The following SIRT7 variants were observed in gnomAD, a reference collection of about 807,000 sequenced individuals.
SIRT7 encodes the protein NAD-dependent protein deacetylase sirtuin-7.
In SIRT7, 32 loss-of-function variants were observed where a neutral mutation model predicts 42.8. The observed-to-expected ratio is 0.75, with a 90% confidence interval of 0.56 to 1.00. The LOEUF (loss-of-function observed/expected upper bound fraction) is 1.00. SIRT7 is among the 50% of genes least tolerant of loss of function. SIRT7 has a pLI of 0.00. For synonymous variants in SIRT7, 297 were observed against 245.2 expected, an observed-to-expected ratio of 1.21 and a Z score of -1.97; for missense variants, 553 against 572.2, an observed-to-expected ratio of 0.97 and a Z score of 0.34.
At position 81,915,462 on chromosome 17, in the gene SIRT7, G is replaced by C. The variant is rs769436127; in HGVS notation, c.458C>G (p.Thr153Ser). Residue 153 changes from threonine (T) to serine (S), a missense_variant, in exon 5 of 10, where the codon ACC (threonine) becomes AGC (serine). Transcript: ENST00000328666. ...AEPTLTHMSI[T>S]RLHEQKLVQH... ...TACCAGCTTCTGCTCATGCAGACGG[G>C]TGATGCTCATGTGGGTGAGGGTTGG... 6.8e-6 allele frequency: 11 copies of C among 1,613,462 alleles called. No homozygotes were observed. The highest frequency in any genetic ancestry group is 2.7e-5 in the African/African-American group (2 of 74,938).
chr17:81,917,709 T>TCGTC lies in SIRT7; in HGVS notation c.238_241dup (p.Asp81GlyfsTer44). 1 of 1,599,274 alleles carries TCGTC rather than the reference T, an allele frequency of 6.3e-7. No individual in the cohort carries two copies. Among genetic ancestry groups the TCGTC allele is most frequent in the Non-Finnish European group, 8.5e-7 (1 of 1,174,292 alleles). On this transcript the variant is annotated frameshift_variant, in exon 3 of 10. Transcript: ENST00000328666. LOFTEE classifies it high-confidence loss of function. ...GACCTTCCCCCGCAGCTCCTCCGGG[T>TCGTC]CGTCGCACACCTGCCAAGACGCCAG...
At chr17:81,915,873 A>C in intron 3 of SIRT7, 192 bp from the exon 4 acceptor site, 1 of 625,990 alleles carries the variant, frequency 1.6e-6, no homozygotes, top group Non-Finnish European at 2.8e-6. Context: ...CCTCCCTTCT[A>C]CCTGGACTTC....
chr17:81,912,109 A>C lies in SIRT7; in HGVS notation c.*307T>G. On this transcript the variant is annotated 3_prime_UTR_variant, in exon 10 of 10. Transcript: ENST00000328666. ...CTGAGACTGGCCTGGTGAGCGAGGA[A>C]AGGCCGCTGGGCGCTTCCACTCTGC... 1 of 459,808 alleles carries C rather than the reference A, an allele frequency of 2.2e-6. No homozygotes were observed. Among genetic ancestry groups the C allele is most frequent in the Non-Finnish European group, 4.0e-6 (1 of 252,922 alleles). The allele number at this position is 459,808 out of a possible 1,614,324, so 28.5% of individuals were successfully genotyped here. A position where few individuals can be genotyped will look rare whatever the true frequency, so the allele number is the denominator to read the frequency against.
At chr17:81,915,029 C>T (rs2040769257) in intron 5 of SIRT7, 4 of 496,092 alleles carry the variant, frequency 8.1e-6, no homozygotes, top group African/African-American at 3.9e-5. Context: ...GATCCATGCT[C>T]TCTTGGGTCA....
In SIRT7 at chr17:81,913,569, A is replaced by G; in HGVS notation, c.1004+205T>C. The G allele has an allele frequency of 1.7e-6, 1 of 572,836 alleles. No individual in the cohort carries two copies. The highest frequency in any genetic ancestry group is 3.1e-6 in the Non-Finnish European group (1 of 319,186). 35.5% of individuals were successfully genotyped at this position (572,836 alleles called of 1,614,324 possible). A position where few individuals can be genotyped will look rare whatever the true frequency, so the allele number is the denominator to read the frequency against. ...TCTCCCCGCGGGGATTGTGTGTGCC[A>G]CATCAGCCAGGGCAGGAGTGGCACA... On this transcript the variant is annotated intron_variant, in intron 9 of 9. Transcript: ENST00000328666. The surrounding 1 kb of genome is among the most constrained non-coding windows in gnomAD (Gnocchi z 5.0).
chr17:81,917,523 G>A (rs1230577623), intron 3 of SIRT7, 92 bp downstream of exon 3: 4 of 1,146,412 alleles, frequency 3.5e-6, no homozygotes, highest in Non-Finnish European at 4.7e-6. Flanking sequence ...TTCTTTAAGA[G>A]AAAAAACCTT....
chr17:81,912,415 A>G lies in SIRT7; in HGVS notation c.*1T>C, dbSNP rs1278784288. 1 of 1,614,074 alleles carries G rather than the reference A, an allele frequency of 6.2e-7. No individual in the cohort carries two copies. Among genetic ancestry groups the G allele is most frequent in the Non-Finnish European group, 8.5e-7 (1 of 1,180,024 alleles). Reference sequence around the variant, plus strand: ...CCAACTGTTCTTCATCGAGCACGTGATTACGTCACTTTCTTCCTTTTTGTG... The same window carrying G: ...CCAACTGTTCTTCATCGAGCACGTGGTTACGTCACTTTCTTCCTTTTTGTG... On this transcript the variant is annotated 3_prime_UTR_variant, in exon 10 of 10. Coordinates refer to ENST00000328666, the MANE Select transcript of SIRT7 (RefSeq NM_016538.3).
rs928433730 is a variant in SIRT7, at chr17:81,912,040, G to A, written c.*376C>T. On this transcript the variant is annotated 3_prime_UTR_variant, in exon 10 of 10. Coordinates refer to ENST00000328666, the MANE Select transcript of SIRT7 (RefSeq NM_016538.3). ...TCCAGTACAGAGAGGATTCTATAAA[G>A]TTCACACTTTTTCATTAAGTAGTAG... The A allele has an allele frequency of 8.9e-6, 3 of 338,086 alleles. No homozygotes were observed. The highest frequency in any genetic ancestry group is 2.2e-5 in the African/African-American group (1 of 45,824). The allele number at this position is 338,086 out of a possible 1,614,324, so 20.9% of individuals were successfully genotyped here.
rs929144539 is a variant in SIRT7, at chr17:81,918,079, C to G, written c.53G>C (p.Arg18Pro). The G allele has an allele frequency of 1.3e-6, 2 of 1,550,766 alleles. No homozygotes were observed. The highest frequency in any genetic ancestry group is 1.7e-6 in the Non-Finnish European group (2 of 1,159,740). The change falls in exon 1 of 10, where the codon CGG becomes CCG. Residue 18 changes from arginine to proline, a missense_variant. Arg to Pro is a moderately radical substitution (Grantham distance 103). Coordinates refer to ENST00000328666, the MANE Select transcript of SIRT7 (RefSeq NM_016538.3). ...RSERKAAERV[R>P]RLREEQQRER... ...CCTCTGCTGCTCCTCCCGCAACCTC[C>G]GGACCCGCTCCGCCGCTTTGCGCTC...
Position 81,914,127 on chromosome 17 carries a change from G to A in SIRT7, c.857C>T (p.Pro286Leu). 3 of 1,613,624 alleles carry A rather than the reference G, an allele frequency of 1.9e-6. No individual in the cohort carries two copies. The highest frequency in any genetic ancestry group is 2.5e-6 in the Non-Finnish European group (3 of 1,180,024). ...KYPRLWCMTK[P>L]PSRRPKLYIV... is the part of the protein sequence containing the mutation. ...GTAAAGCTTCGGCCGCCGGCTAGGGGGCTTGGTCATGCACCAGAGGCGTGG... is the reference window on the plus strand; with the variant it reads ...GTAAAGCTTCGGCCGCCGGCTAGGGAGCTTGGTCATGCACCAGAGGCGTGG... The change falls in exon 8 of 10, where the codon CCC (proline) becomes CTC (leucine). Residue 286 changes from proline (P) to leucine (L), a missense_variant. Pro to Leu is a moderately conservative substitution (Grantham distance 98, BLOSUM62 -3). Transcript: ENST00000328666.
intron 3 of SIRT7, 81 bp downstream of exon 3, chr17:81,917,534 A>T: frequency 8.1e-7 from 1 of 1,235,828 alleles, no homozygotes; most frequent in Non-Finnish European, 1.1e-6. Context: ...AAAAAACCTT[A>T]GAGCTGCTTT....
Position 81,915,295 on chromosome 17 carries a change from T to A in SIRT7, c.480+145A>T, listed in dbSNP as rs1036878032. 3 of 839,674 alleles carry A rather than the reference T, an allele frequency of 3.6e-6. No individual in the cohort carries two copies. In the African/African-American group the frequency reaches 5.0e-5, roughly 14 times the overall value. The allele number at this position is 839,674 out of a possible 1,614,324, so 52.0% of individuals were successfully genotyped here. On this transcript the variant is annotated intron_variant, in intron 5 of 9. Transcript: ENST00000328666. The stretch of plus-strand genomic sequence containing the variant: ...TCCTGGAGAGTCAAGCACAGGAGGA[T>A]CAAACCCGCGGCCTAACCCGCTTGG...
chr17:81,914,934 TG>T, intron 5 of SIRT7: 1 of 568,390 alleles, frequency 1.8e-6, no homozygotes, highest in Admixed American at 3.0e-5. Context: ...CTGATGCACC[TG>T]GAGTGGCTGG....
chr17:81,915,921 A>G, intron 3 of SIRT7: 1 of 528,206 alleles, frequency 1.9e-6, no homozygotes, highest in Non-Finnish European at 3.5e-6. Flanking sequence ...TCCAGGCTGC[A>G]CGCAGCCCTG....
chr17:81,918,091 G>C lies in SIRT7; in HGVS notation c.41C>G (p.Ala14Gly), dbSNP rs2040842885. The C allele has an allele frequency of 6.4e-7, 1 of 1,550,404 alleles. No homozygotes were observed. Among genetic ancestry groups the C allele is most frequent in the Admixed American group, 1.9e-5 (1 of 53,700 alleles). The change falls in exon 1 of 10, where the codon GCG (alanine) becomes GGG (glycine). Residue 14 changes from alanine to glycine, a missense_variant. By Grantham distance (60) the Ala-to-Gly change is moderately conservative (BLOSUM62 0). Coordinates refer to ENST00000328666, the MANE Select transcript of SIRT7 (RefSeq NM_016538.3). ...GGLSRSERKA[A>G]ERVRRLREEQ... ...CTCCCGCAACCTCCGGACCCGCTCC[G>C]CCGCTTTGCGCTCGGAGCGGCTCAG...
At position 81,918,102 on chromosome 17, in the gene SIRT7, C is replaced by T. The variant is rs760658546; in HGVS notation, c.30G>A (p.Glu10=). 4 of 1,551,680 alleles carry T rather than the reference C, an allele frequency of 2.6e-6. No individual in the cohort carries two copies. The highest frequency in any genetic ancestry group is 2.6e-6 in the Non-Finnish European group (3 of 1,160,126). Residue 10 remains glutamate (E), a synonymous_variant, in exon 1 of 10, where the codon GAG becomes GAA. Coordinates refer to ENST00000328666, the MANE Select transcript of SIRT7 (RefSeq NM_016538.3). ...TCCGGACCCGCTCCGCCGCTTTGCGCTCGGAGCGGCTCAGACCCCCGGCTG... is the reference window on the plus strand; with the variant it reads ...TCCGGACCCGCTCCGCCGCTTTGCGTTCGGAGCGGCTCAGACCCCCGGCTG... MAAGGLSRS[E]RKAAERVRRL...
intron 3 of SIRT7, 119 bp downstream of exon 3, chr17:81,917,496 A>C: frequency 7.0e-6 from 6 of 852,478 alleles, no homozygotes; most frequent in Non-Finnish European, 1.0e-5. Context: ...ACCTTAGGTA[A>C]GTTTTGGTCA....
In SIRT7 at chr17:81,917,887, T is replaced by C. The variant is rs1286151762; in HGVS notation, c.174A>G (p.Val58=). The stretch of plus-strand genomic sequence containing the variant: ...GCCGGCTCCGGCCCTGCAGCTCCGT[T>C]ACCAGGTCCGCGCTCTCGGCCAGCA... The part of the protein sequence containing the change: ...GRLLAESADL[V]TELQGRSRRR... The change falls in exon 2 of 10, where the codon GTA becomes GTG. Residue 58 remains valine (V), a synonymous_variant. Coordinates refer to ENST00000328666, the MANE Select transcript of SIRT7 (RefSeq NM_016538.3). The C allele has an allele frequency of 9.7e-6, 14 of 1,436,620 alleles. No homozygotes were observed. Among genetic ancestry groups the C allele is most frequent in the Non-Finnish European group, 1.3e-5 (14 of 1,097,976 alleles). 89.0% of individuals were successfully genotyped at this position (1,436,620 alleles called of 1,614,324 possible).
chr17:81,914,137 T>G lies in SIRT7; in HGVS notation c.847A>C (p.Met283Leu). Residue 283 changes from methionine (M) to leucine (L), a missense_variant, in exon 8 of 10, where the codon ATG (methionine) becomes CTG (leucine). Transcript: ENST00000328666. ...GGCCGCCGGCTAGGGGGCTTGGTCA[T>G]GCACCAGAGGCGTGGGTACTTCTTT... ...VLKKYPRLWC[M>L]TKPPSRRPKL... 2 of 1,613,616 alleles carry G rather than the reference T, an allele frequency of 1.2e-6. No individual in the cohort carries two copies. Among genetic ancestry groups the G allele is most frequent in the Non-Finnish European group, 1.7e-6 (2 of 1,180,018 alleles).
Sources: gnomAD v4.1 joint callset for allele counts on GRCh38, gnomAD v4.1.1 for gene constraint, Gnocchi (gnomAD v3.1) non-coding constraint, MANE v1.5 for transcripts, NCBI Gene and HGNC (gene_info 2026-07-23, HGNC 2026-07-21) for gene names.